The following MCTP1 variants were observed in gnomAD, a reference collection of about 807,000 sequenced individuals.
MCTP1 encodes multiple C2 and transmembrane domain-containing protein 1.
In MCTP1, 69 loss-of-function variants were observed where a neutral mutation model predicts 120.6. That is an observed-to-expected ratio of 0.57 (90% CI 0.47 to 0.70). MCTP1 has a LOEUF of 0.70. MCTP1 is among the 30% of genes least tolerant of loss of function. The probability of loss-of-function intolerance (pLI) is 0.00; values close to 1 mark genes in which losing one functional copy is unlikely to be tolerated. For missense variants in MCTP1, 1,203 were observed against 1,248.8 expected, an observed-to-expected ratio of 0.96 and a Z score of 0.55; for synonymous variants, 529 against 493.1, an observed-to-expected ratio of 1.07 and a Z score of -0.96.
chr5:94,910,214 ATG>A (rs1486925788), intron 9 of MCTP1, among the ~76,000 whole-genome samples: 2 of 151,564 alleles, frequency 1.3e-5, no homozygotes, highest in Admixed American at 6.6e-5. Flanking sequence ...ATATACATAT[ATG>A]TGTATACATA....
chr5:94,915,977 G>A (rs1198528229), intron 8 of MCTP1, among the ~76,000 whole-genome samples: 1 of 152,132 alleles, frequency 6.6e-6, no homozygotes, highest in African/African-American at 2.4e-5. Flanking sequence ...GCTAATGGGT[G>A]TGGTAATTAT....
intron 1 of MCTP1, among the ~76,000 whole-genome samples, chr5:95,048,989 G>A (rs1745235746): frequency 6.6e-6 from 1 of 152,120 alleles, no homozygotes; most frequent in African/African-American, 2.4e-5. Flanking sequence ...AAGCTTTTGT[G>A]TATATTGAGA....
At chr5:94,957,315 C>T (rs1384521759) in intron 2 of MCTP1, among the ~76,000 whole-genome samples, 1 of 152,074 alleles carries the variant, frequency 6.6e-6, no homozygotes, top group Non-Finnish European at 1.5e-5. Context: ...CAAAAACAAA[C>T]CGAGATGTAA....
chr5:94,896,225 GA>G (rs998648610), intron 10 of MCTP1, among the ~76,000 whole-genome samples: 6 of 151,648 alleles, frequency 4.0e-5, no homozygotes, highest in South Asian at 4.2e-4. Context: ...ATTCTCTAAT[GA>G]AAAAAAAGGT....
At chr5:94,831,769 T>C (rs1788559570) in intron 17 of MCTP1, among the ~76,000 whole-genome samples, 8 of 152,234 alleles carry the variant, frequency 5.3e-5, no homozygotes, top group Admixed American at 5.2e-4. Context: ...TTCACAATTT[T>C]ATGGGAACAC....
intron 1 of MCTP1, among the ~76,000 whole-genome samples, chr5:95,171,120 A>T (rs556396197): frequency 7.9e-5 from 12 of 151,470 alleles, no homozygotes; most frequent in Non-Finnish European, 1.3e-4. Context: ...TGACAAAATC[A>T]CTCAGCATTT....
chr5:94,786,410 A>AT (rs368187336), intron 18 of MCTP1, among the ~76,000 whole-genome samples: 1 of 152,220 alleles, frequency 6.6e-6, no homozygotes. Context: ...AAATAATGAT[A>AT]TTTTTTATCT....
intron 1 of MCTP1, among the ~76,000 whole-genome samples, chr5:95,228,331 C>T (rs1341084526): frequency 1.3e-5 from 2 of 152,112 alleles, no homozygotes; most frequent in Admixed American, 6.5e-5. Context: ...TCTGGACATA[C>T]TGCCAATACC....
intron 5 of MCTP1, among the ~76,000 whole-genome samples, chr5:94,936,401 T>C (rs1561886178): frequency 6.6e-6 from 1 of 152,008 alleles, no homozygotes; most frequent in African/African-American, 2.4e-5. Context: ...GAAGAAAGCC[T>C]GGACTTGAGA....
intron 1 of MCTP1, among the ~76,000 whole-genome samples, chr5:95,183,100 A>G (rs968539685): frequency 2.0e-5 from 3 of 152,084 alleles, no homozygotes; most frequent in Non-Finnish European, 4.4e-5. Flanking sequence ...GGACAGATGA[A>G]TATATCAGTG....
At chr5:95,137,441 T>A (rs1759529880) in intron 1 of MCTP1, among the ~76,000 whole-genome samples, 1 of 152,244 alleles carries the variant, frequency 6.6e-6, no homozygotes, top group Non-Finnish European at 1.5e-5. Flanking sequence ...AAGTGCTCAA[T>A]ACATATCATC....
rs115550528 is a variant in MCTP1, at chr5:95,003,949, A to G, written c.838+13418T>C. Among the ~76,000 whole-genome samples, 571 of 152,294 alleles carry G rather than the reference A, an allele frequency of 3.7e-3. 3 individuals are homozygous for G. The highest frequency in any genetic ancestry group is 0.013 in the African/African-American group (537 of 41,566). Reference sequence around the variant, plus strand: ...CAGTTTTGAGGGCTCAGAAGAAGACAGGAACATGAGGAAAAGTTTGGAACC... The same window carrying G: ...CAGTTTTGAGGGCTCAGAAGAAGACGGGAACATGAGGAAAAGTTTGGAACC... On this transcript the variant is annotated intron_variant, in intron 2 of 22. Coordinates refer to ENST00000515393, the MANE Select transcript of MCTP1 (RefSeq NM_024717.7).
At chr5:94,736,435 A>G (rs758615410) in intron 19 of MCTP1, among the ~76,000 whole-genome samples, 1 of 152,134 alleles carries the variant, frequency 6.6e-6, no homozygotes, top group Non-Finnish European at 1.5e-5. Context: ...GTGAGGCGAA[A>G]TTGTGCCACT....
intron 3 of MCTP1, among the ~76,000 whole-genome samples, chr5:94,945,787 T>C (rs73136058): frequency 1.5e-3 from 232 of 152,304 alleles, no homozygotes; most frequent in African/African-American, 4.7e-3. Context: ...TTCCCCATGA[T>C]GGGAAAAGTG....
At chr5:95,067,579 C>T (rs558044896) in intron 1 of MCTP1, among the ~76,000 whole-genome samples, 1 of 151,852 alleles carries the variant, frequency 6.6e-6, no homozygotes, top group Non-Finnish European at 1.5e-5. Flanking sequence ...AACTAAGATA[C>T]ATTTACTATT....
intron 18 of MCTP1, among the ~76,000 whole-genome samples, chr5:94,780,725 T>C (rs1776390974): frequency 6.6e-6 from 1 of 152,152 alleles, no homozygotes; most frequent in African/African-American, 2.4e-5. Context: ...CTCCATAGCA[T>C]TTATTATAAA....
chr5:94,920,717 G>A (rs962545783), intron 7 of MCTP1, among the ~76,000 whole-genome samples: 2 of 151,066 alleles, frequency 1.3e-5, no homozygotes, highest in African/African-American at 4.9e-5. Flanking sequence ...ACTCCAGCCC[G>A]GGCGACAGAG....
chr5:94,863,825 T>C lies in MCTP1; in HGVS notation c.2436+4508A>G, dbSNP rs1470808041. ...CCTCCTTTGCTGTGCTTCCTCCACTTTTTTTTTTTTAATCATTTGGCTATA... is the reference window on the plus strand; with the variant it reads ...CCTCCTTTGCTGTGCTTCCTCCACTCTTTTTTTTTTAATCATTTGGCTATA... On this transcript the variant is annotated intron_variant, in intron 17 of 22. Coordinates refer to ENST00000515393, the MANE Select transcript of MCTP1 (RefSeq NM_024717.7). 2.6e-4 allele frequency among the ~76,000 whole-genome samples: 3 copies of C among 11,486 alleles called. No individual in the cohort carries two copies. The African/African-American group carries it at 3.0e-3, about 12-fold the overall frequency. 7.5% of individuals were successfully genotyped at this position (11,486 alleles called of 152,430 possible). A position where few individuals can be genotyped will look rare whatever the true frequency, so the allele number is the denominator to read the frequency against.
At chr5:95,024,542 T>C (rs11750445) in intron 1 of MCTP1, among the ~76,000 whole-genome samples, 8,251 of 151,744 alleles carry the variant, frequency 0.054, 352 homozygotes, top group African/African-American at 0.12. Context: ...TCCTCTAAGA[T>C]CAGAAACAAG....
Sources: allele counts gnomAD v4.1 joint callset (sites outside exome capture counted in the v4.1 genomes callset), GRCh38; gene constraint gnomAD v4.1.1; transcripts MANE v1.5; gene names NCBI Gene and HGNC (gene_info 2026-07-23, HGNC 2026-07-21).